Variants in SESN1 observed in about 807,000 individuals in gnomAD.
The protein encoded by SESN1 is sestrin 1.
In SESN1, 30 loss-of-function variants were observed where a neutral mutation model predicts 59.3. That is an observed-to-expected ratio of 0.51 (90% confidence interval 0.38 to 0.69). The LOEUF is 0.69. SESN1 is among the 30% of genes least tolerant of loss of function. The pLI is 0.00. For missense variants in SESN1, 566 were observed against 673.0 expected, an observed-to-expected ratio of 0.84 and a Z score of 1.76; for synonymous variants, 197 against 219.9, an observed-to-expected ratio of 0.90 and a Z score of 0.92.
intron 1 of SESN1, among the ~76,000 whole-genome samples, chr6:109,039,761 C>T (rs899880279): frequency 2.6e-5 from 4 of 152,220 alleles, no homozygotes; most frequent in African/African-American, 9.6e-5. Flanking sequence ...GTTATTTTAG[C>T]TACCAATTCA....
chr6:109,023,141 T>A (rs1348440718), intron 1 of SESN1, among the ~76,000 whole-genome samples: 1 of 152,182 alleles, frequency 6.6e-6, no homozygotes, highest in African/African-American at 2.4e-5. Context: ...CTATAACATC[T>A]CTCAATATAT....
intron 1 of SESN1, among the ~76,000 whole-genome samples, chr6:109,081,461 C>T (rs1781121083): frequency 6.6e-6 from 1 of 152,112 alleles, no homozygotes; most frequent in Admixed American, 6.5e-5. Context: ...TTTTTCTTGA[C>T]AGATAAAATG....
intron 1 of SESN1, among the ~76,000 whole-genome samples, chr6:109,007,169 A>G (rs1018859966): frequency 1.3e-5 from 2 of 152,222 alleles, no homozygotes; most frequent in African/African-American, 4.8e-5. Context: ...AATGCAAAAC[A>G]CTAATTTTCA....
At chr6:109,091,347 A>G (rs924835046) in intron 1 of SESN1, among the ~76,000 whole-genome samples, 1 of 152,162 alleles carries the variant, frequency 6.6e-6, no homozygotes, top group African/African-American at 2.4e-5. Context: ...ATGATGTTCA[A>G]ACAAATATGA....
intron 7 of SESN1, among the ~76,000 whole-genome samples, chr6:108,992,005 C>T (rs191791002): frequency 2.2e-4 from 34 of 152,326 alleles, no homozygotes; most frequent in Non-Finnish European, 4.4e-4. Context: ...AATGTCCCTC[C>T]ATAAAAAATT....
At chr6:109,008,614 A>AT (rs1779783733) in intron 1 of SESN1, 1 of 184,700 alleles carries the variant, frequency 5.4e-6, no homozygotes, top group Non-Finnish European at 1.0e-5. Flanking sequence ...TCTTGAACTA[A>AT]GGCAACACTC....
chr6:109,048,328 C>A (rs1311698626), intron 1 of SESN1, among the ~76,000 whole-genome samples: 1 of 152,172 alleles, frequency 6.6e-6, no homozygotes, highest in Non-Finnish European at 1.5e-5. Context: ...GACATTCATT[C>A]CTCCACCTCC....
chr6:109,037,506 A>G (rs1480670224), intron 1 of SESN1, among the ~76,000 whole-genome samples: 1 of 152,190 alleles, frequency 6.6e-6, no homozygotes, highest in Admixed American at 6.5e-5. Flanking sequence ...TAATATATTC[A>G]GCATCTAGTC....
At chr6:109,035,679 C>T (rs1780238626) in intron 1 of SESN1, among the ~76,000 whole-genome samples, 1 of 152,154 alleles carries the variant, frequency 6.6e-6, no homozygotes, top group East Asian at 1.9e-4. Flanking sequence ...TAATGCACTG[C>T]TGCCTCAAAT....
At chr6:108,994,138 C>CT in intron 6 of SESN1, among the ~76,000 whole-genome samples, 1 of 88,328 alleles carries the variant, frequency 1.1e-5, no homozygotes, top group South Asian at 3.8e-4. Context: ...GACCCTGTTT[C>CT]TTAAAAAAAA....
At chr6:109,002,852 GAC>G (rs1779656164) in intron 1 of SESN1, among the ~76,000 whole-genome samples, 1 of 152,136 alleles carries the variant, frequency 6.6e-6, no homozygotes, top group Admixed American at 6.5e-5. Flanking sequence ...ATTCACAAGA[GAC>G]AGCACTACAG....
intron 1 of SESN1, among the ~76,000 whole-genome samples, chr6:109,040,836 T>C (rs1389558481): frequency 2.0e-5 from 3 of 151,926 alleles, no homozygotes; most frequent in African/African-American, 7.3e-5. Flanking sequence ...GTATTTTTAG[T>C]AGAGACGGGG....
chr6:109,057,314 C>G (rs773447941), intron 1 of SESN1, among the ~76,000 whole-genome samples: 1 of 152,172 alleles, frequency 6.6e-6, no homozygotes, highest in Non-Finnish European at 1.5e-5. Flanking sequence ...GTGATTGATA[C>G]GTGAAGGTAC....
chr6:109,093,066 A>G (rs1781355410), intron 1 of SESN1, among the ~76,000 whole-genome samples: 1 of 152,218 alleles, frequency 6.6e-6, no homozygotes, highest in Admixed American at 6.5e-5. Flanking sequence ...AAAAAAAAGT[A>G]TTCTAAGACA....
At chr6:108,994,379 G>T (rs1750397460) in intron 6 of SESN1, 83 bp downstream of exon 6, 9 of 1,145,972 alleles carry the variant, frequency 7.9e-6, no homozygotes, top group South Asian at 1.5e-5. Flanking sequence ...TATTTAGATT[G>T]ATGCTTTAAA....
intron 1 of SESN1, among the ~76,000 whole-genome samples, chr6:109,030,737 A>T (rs1309739241): frequency 6.6e-6 from 1 of 152,236 alleles, no homozygotes; most frequent in Non-Finnish European, 1.5e-5. Flanking sequence ...TGTAAAATGT[A>T]TATAGGATTT....
intron 1 of SESN1, among the ~76,000 whole-genome samples, chr6:109,005,703 C>T (rs1779718070): frequency 6.6e-6 from 1 of 152,162 alleles, no homozygotes; most frequent in Admixed American, 6.5e-5. Context: ...ATAACACTGT[C>T]TCCCCTCTTC....
chr6:109,036,237 C>T (rs916485269), intron 1 of SESN1, among the ~76,000 whole-genome samples: 2 of 152,182 alleles, frequency 1.3e-5, no homozygotes, highest in Admixed American at 6.5e-5. Flanking sequence ...ATCTAAATGT[C>T]ATTACTGCTT....
chr6:109,057,409 T>C (rs1780649334), intron 1 of SESN1, among the ~76,000 whole-genome samples: 1 of 152,196 alleles, frequency 6.6e-6, no homozygotes, highest in African/African-American at 2.4e-5. Flanking sequence ...TCACACCGGC[T>C]CTGGACTGCC....
Sources: gnomAD v4.1 joint callset for allele counts (sites outside exome capture counted in the v4.1 genomes callset) on GRCh38, gnomAD v4.1.1 for gene constraint, MANE v1.5 for transcripts, NCBI Gene and HGNC (gene_info 2026-07-23, HGNC 2026-07-21) for gene names.